Variants in HDAC9 observed in about 807,000 individuals in gnomAD.
HDAC9 encodes the protein MEF-2 interacting transcription repressor (MITR) protein.
Under a neutral mutation model 139.4 loss-of-function variants are expected in HDAC9, and 41 were observed. The observed-to-expected ratio is 0.29, with a 90% CI of 0.23 to 0.38. The LOEUF is 0.38. HDAC9 is among the 10% of genes least tolerant of loss of function. HDAC9 has a pLI of 1.00. For missense variants in HDAC9, 1,147 were observed against 1,297.0 expected, an observed-to-expected ratio of 0.88 and a Z score of 1.78; for synonymous variants, 517 against 476.2, an observed-to-expected ratio of 1.09 and a Z score of -1.12.
At chr7:18,367,381 C>G (rs920919310) in intron 1 of HDAC9, among the ~76,000 whole-genome samples, 1 of 152,030 alleles carries the variant, frequency 6.6e-6, no homozygotes, top group Non-Finnish European at 1.5e-5. Context: ...TTTTATATAA[C>G]ACATCTGATA....
intron 22 of HDAC9, among the ~76,000 whole-genome samples, chr7:18,882,305 G>T (rs991981722): frequency 6.6e-6 from 1 of 151,820 alleles, no homozygotes; most frequent in Non-Finnish European, 1.5e-5. Flanking sequence ...TTGTTTTTCT[G>T]AAAACTGCTT....
At chr7:18,549,005 C>T (rs998436499) in intron 2 of HDAC9, among the ~76,000 whole-genome samples, 2 of 152,096 alleles carry the variant, frequency 1.3e-5, no homozygotes, top group Non-Finnish European at 1.5e-5. Context: ...TTTGGGAGGC[C>T]AAGGCGGGAG....
At chr7:18,297,019 A>T (rs1262177738) in intron 1 of HDAC9, among the ~76,000 whole-genome samples, 1 of 152,156 alleles carries the variant, frequency 6.6e-6, no homozygotes, top group African/African-American at 2.4e-5. Context: ...GACATCTGAG[A>T]GCTTGCTCTG....
In HDAC9 at chr7:18,802,908, G is replaced by A. The variant is rs138156101; in HGVS notation, c.2322+9456G>A. ...ATACTAGGTCTATCTCCTATAAACA[G>A]CATTCCTGGATTTGTTTTCTAATAT... On this transcript the variant is annotated intron_variant, in intron 17 of 25. Transcript: ENST00000686413. Among the ~76,000 whole-genome samples the A allele has an allele frequency of 4.2e-3, 637 of 151,640 alleles. 2 individuals carry two copies. Among genetic ancestry groups the A allele is most frequent in the Middle Eastern group, 0.017 (5 of 294 alleles).
intron 22 of HDAC9, among the ~76,000 whole-genome samples, chr7:18,908,154 T>C (rs939025223): frequency 9.9e-5 from 15 of 152,050 alleles, no homozygotes; most frequent in Non-Finnish European, 1.6e-4. Flanking sequence ...ATTCTAGAAA[T>C]AAGCATAATA....
rs535184264 is a variant in HDAC9, at chr7:18,821,353, G to A, written c.2323-7808G>A. Reference sequence around the variant, plus strand: ...GAGGCTTAGGAATGGTTTCTCTGGTGAAATGATGTTGGAGCTGAAATGTGT... The same window carrying A: ...GAGGCTTAGGAATGGTTTCTCTGGTAAAATGATGTTGGAGCTGAAATGTGT... On this transcript the variant is annotated intron_variant, in intron 17 of 25. Coordinates refer to ENST00000686413, the MANE Select transcript of HDAC9 (RefSeq NM_178425.4). Among the ~76,000 whole-genome samples the A allele has an allele frequency of 3.9e-5, 6 of 152,268 alleles. No homozygotes were observed. In the East Asian group the frequency reaches 1.2e-3, roughly 29 times the overall value.
At chr7:18,499,949 T>A (rs1326567087) in intron 2 of HDAC9, among the ~76,000 whole-genome samples, 1 of 152,138 alleles carries the variant, frequency 6.6e-6, no homozygotes, top group African/African-American at 2.4e-5. Context: ...AAAATGTAAG[T>A]CTGTGAAATG....
At chr7:18,862,229 A>G (rs1037209510) in intron 21 of HDAC9, among the ~76,000 whole-genome samples, 1 of 152,184 alleles carries the variant, frequency 6.6e-6, no homozygotes, top group African/African-American at 2.4e-5. Flanking sequence ...AAGGATGCTG[A>G]GCTTCAGGCA....
chr7:18,964,840 C>G (rs1369310534), intron 24 of HDAC9, among the ~76,000 whole-genome samples: 1 of 152,226 alleles, frequency 6.6e-6, no homozygotes, highest in Non-Finnish European at 1.5e-5. Context: ...CACCAGGTCT[C>G]TCCTTCAACC....
intron 1 of HDAC9, among the ~76,000 whole-genome samples, chr7:18,115,615 G>C (rs1463407662): frequency 1.3e-5 from 2 of 152,150 alleles, no homozygotes. Flanking sequence ...TGAGGAATTT[G>C]ATGTTCAAAT....
intron 25 of HDAC9, among the ~76,000 whole-genome samples, chr7:18,977,192 T>A (rs142435600): frequency 6.6e-6 from 1 of 152,320 alleles, no homozygotes; most frequent in Non-Finnish European, 1.5e-5. Flanking sequence ...TTACTTTACA[T>A]CTTTGATAAT....
At chr7:18,305,741 T>C (rs1284883741) in intron 1 of HDAC9, among the ~76,000 whole-genome samples, 4 of 136,958 alleles carry the variant, frequency 2.9e-5, no homozygotes, top group Non-Finnish European at 6.1e-5. Flanking sequence ...AGACAAGACA[T>C]ATGCATAGCA....
At chr7:18,691,761 C>T (rs1241779246) in intron 12 of HDAC9, among the ~76,000 whole-genome samples, 1 of 151,688 alleles carries the variant, frequency 6.6e-6, no homozygotes, top group African/African-American at 2.4e-5. Flanking sequence ...AATTTTTTTC[C>T]ACAATAGATA....
chr7:18,190,347 G>T (rs1790254844), intron 2 of HDAC9, among the ~76,000 whole-genome samples: 2 of 152,270 alleles, frequency 1.3e-5, no homozygotes, highest in South Asian at 4.1e-4. Context: ...GTGTATATGT[G>T]TACATAAATG....
chr7:18,595,314 C>T (rs963892075), intron 6 of HDAC9, among the ~76,000 whole-genome samples: 1 of 151,604 alleles, frequency 6.6e-6, no homozygotes, highest in Non-Finnish European at 1.5e-5. Context: ...TTATGTATTG[C>T]ATCAGAATTC....
chr7:18,854,552 CAGA>C (rs773622353), intron 21 of HDAC9, among the ~76,000 whole-genome samples: 3 of 151,440 alleles, frequency 2.0e-5, no homozygotes, highest in Non-Finnish European at 4.4e-5. Flanking sequence ...AAAGGAGAAT[CAGA>C]AGAAGAGTCA....
chr7:18,784,869 G>T (rs147503222), intron 16 of HDAC9, among the ~76,000 whole-genome samples: 57 of 152,044 alleles, frequency 3.7e-4, no homozygotes, highest in African/African-American at 1.3e-3. Context: ...AGCCTGCCAC[G>T]TGTGTAGTAT....
chr7:18,905,088 A>G (rs1191600057), intron 22 of HDAC9, among the ~76,000 whole-genome samples: 1 of 150,180 alleles, frequency 6.7e-6, no homozygotes, highest in Non-Finnish European at 1.5e-5. Context: ...TAGCAACCTG[A>G]CCATGTTGGC....
chr7:18,905,436 T>G (rs1216028890), intron 22 of HDAC9, among the ~76,000 whole-genome samples: 1 of 152,202 alleles, frequency 6.6e-6, no homozygotes, highest in African/African-American at 2.4e-5. Flanking sequence ...ATTTTTCTAC[T>G]TAAGATTGTA....
Sources: allele counts gnomAD v4.1 joint callset (sites outside exome capture counted in the v4.1 genomes callset), GRCh38; gene constraint gnomAD v4.1.1; transcripts MANE v1.5; gene names NCBI Gene and HGNC (gene_info 2026-07-23, HGNC 2026-07-21).